The following IPCEF1 variants were observed in gnomAD, a reference collection of about 807,000 sequenced individuals.
IPCEF1 encodes interactor protein for cytohesin exchange factors 1.
IPCEF1 carries 31 observed loss-of-function variants against 50.9 expected under a neutral mutation model. That is an observed-to-expected ratio of 0.61 (90% CI 0.46 to 0.82). IPCEF1 has a LOEUF of 0.82. IPCEF1 is among the 40% of genes least tolerant of loss of function. The pLI, the probability that IPCEF1 is intolerant of heterozygous loss-of-function variation, is 0.00. For missense variants in IPCEF1, 458 were observed against 514.0 expected, an observed-to-expected ratio of 0.89 and a Z score of 1.05; for synonymous variants, 181 against 192.0, an observed-to-expected ratio of 0.94 and a Z score of 0.47.
At chr6:154,276,056 T>C (rs1270314992) in intron 2 of IPCEF1, among the ~76,000 whole-genome samples, 5 of 151,958 alleles carry the variant, frequency 3.3e-5, no homozygotes, top group South Asian at 2.1e-4. Context: ...TGGTGGCAGG[T>C]GCCTGTAATC....
intron 4 of IPCEF1, chr6:154,247,179 G>A (rs1781123841): frequency 4.2e-6 from 2 of 477,444 alleles, no homozygotes; most frequent in Admixed American, 7.2e-5. Flanking sequence ...ATGTTGAAGG[G>A]TTAATGCCCA....
rs1349009955 is a variant in IPCEF1, at chr6:154,251,891, G to GAAATGT, written c.37-4404_37-4403insACATTT. ...GGAAGACAATGTAGAAAGTGGGGAA[G>GAAATGT]AGCAAAGTTCCAGGGAAAATCGTGG... On this transcript the variant is annotated intron_variant, in intron 3 of 11. Coordinates refer to ENST00000367220, the MANE Select transcript of IPCEF1 (RefSeq NM_001130700.2). 3.7e-3 allele frequency among the ~76,000 whole-genome samples: 568 copies of GAAATGT among 152,248 alleles called. 2 individuals are homozygous for GAAATGT. The highest frequency in any genetic ancestry group is 0.013 in the African/African-American group (546 of 41,552).
intron 1 of IPCEF1, among the ~76,000 whole-genome samples, chr6:154,314,886 T>A (rs955822207): frequency 6.4e-5 from 7 of 109,330 alleles, no homozygotes; most frequent in African/African-American, 2.4e-4. Context: ...TGTGATTACT[T>A]TTTTTTTTTT....
intron 10 of IPCEF1, among the ~76,000 whole-genome samples, chr6:154,189,923 G>A (rs1196159116): frequency 6.7e-6 from 1 of 150,282 alleles, no homozygotes; most frequent in Non-Finnish European, 1.5e-5. Context: ...CAGCCTGGGC[G>A]ACAGAGTAAG....
At chr6:154,183,246 T>C (rs1369867309) in intron 10 of IPCEF1, among the ~76,000 whole-genome samples, 1 of 152,222 alleles carries the variant, frequency 6.6e-6, no homozygotes, top group Non-Finnish European at 1.5e-5. Context: ...CCCAAAGTGC[T>C]GGGATTACAG....
At chr6:154,321,454 A>G in intron 1 of IPCEF1, among the ~76,000 whole-genome samples, 1 of 151,962 alleles carries the variant, frequency 6.6e-6, no homozygotes, top group South Asian at 2.1e-4. Context: ...TTCCTTCTCA[A>G]CCTTTGAAGA....
intron 5 of IPCEF1, among the ~76,000 whole-genome samples, chr6:154,235,546 A>AT (rs978917222): frequency 2.0e-5 from 3 of 150,570 alleles, no homozygotes; most frequent in Non-Finnish European, 2.9e-5. Flanking sequence ...AAAAAAAAAA[A>AT]AAAAAGTAAT....
At chr6:154,227,293 T>C (rs1291236524) in intron 5 of IPCEF1, among the ~76,000 whole-genome samples, 5 of 152,124 alleles carry the variant, frequency 3.3e-5, no homozygotes, top group Admixed American at 3.3e-4. Context: ...CAGCACCCAA[T>C]TTATGGCATG....
chr6:154,186,017 A>T (rs2128574393), intron 10 of IPCEF1, among the ~76,000 whole-genome samples: 1 of 152,270 alleles, frequency 6.6e-6, no homozygotes, highest in Non-Finnish European at 1.5e-5. Flanking sequence ...GCCTATCAAT[A>T]TTGGGGCACC....
intron 10 of IPCEF1, among the ~76,000 whole-genome samples, chr6:154,195,342 T>C (rs1481245565): frequency 2.0e-5 from 3 of 151,870 alleles, no homozygotes; most frequent in East Asian, 1.9e-4. Context: ...AGAGATGGGG[T>C]TTCACCATGT....
intron 6 of IPCEF1, among the ~76,000 whole-genome samples, chr6:154,221,754 G>A (rs1177535657): frequency 6.6e-6 from 1 of 152,012 alleles, no homozygotes; most frequent in African/African-American, 2.4e-5. Flanking sequence ...GGCACCTCTA[G>A]TCCCAGCTAC....
intron 5 of IPCEF1, among the ~76,000 whole-genome samples, chr6:154,241,210 T>C (rs1307020395): frequency 8.3e-6 from 1 of 120,002 alleles, no homozygotes; most frequent in African/African-American, 3.4e-5. Context: ...CACTTCAGCC[T>C]AGCAACAAAG....
chr6:154,351,527 C>A (rs192038906), intron 1 of IPCEF1, among the ~76,000 whole-genome samples: 1 of 152,126 alleles, frequency 6.6e-6, no homozygotes, highest in Non-Finnish European at 1.5e-5. Context: ...TTCACTTGGG[C>A]GATTTTAAAG....
chr6:154,230,101 G>T (rs1779606243), intron 5 of IPCEF1, among the ~76,000 whole-genome samples: 1 of 152,120 alleles, frequency 6.6e-6, no homozygotes, highest in South Asian at 2.1e-4. Context: ...GATCTTATTG[G>T]TACAATACCA....
At chr6:154,321,423 G>T (rs1783371319) in intron 1 of IPCEF1, among the ~76,000 whole-genome samples, 1 of 151,600 alleles carries the variant, frequency 6.6e-6, no homozygotes, top group African/African-American at 2.4e-5. Flanking sequence ...AGGAAAGAGG[G>T]TGATACGTAT....
At chr6:154,266,201 A>G (rs1365295035) in intron 2 of IPCEF1, among the ~76,000 whole-genome samples, 1 of 152,086 alleles carries the variant, frequency 6.6e-6, no homozygotes, top group Non-Finnish European at 1.5e-5. Flanking sequence ...AGCCTGAACA[A>G]CATAGTGAGA....
At position 154,158,065 on chromosome 6, in the gene IPCEF1, A is replaced by C. The variant is rs1413749438; in HGVS notation, c.*1763T>G. ...AACTTGCTTCTTGTTTTTTGTTTTT[A>C]TTTCTTAATGCTAAGGTTGTTTTTT... On this transcript the variant is annotated 3_prime_UTR_variant, in exon 12 of 12. Transcript: ENST00000367220. 1.3e-5 allele frequency: 2 copies of C among 152,102 alleles called. No individual in the cohort carries two copies. The highest frequency in any genetic ancestry group is 2.9e-5 in the Non-Finnish European group (2 of 68,032). 9.4% of individuals were successfully genotyped at this position (152,102 alleles called of 1,614,324 possible).
At chr6:154,278,722 A>T (rs903388162) in intron 2 of IPCEF1, among the ~76,000 whole-genome samples, 14 of 151,332 alleles carry the variant, frequency 9.3e-5, no homozygotes, top group Admixed American at 4.6e-4. Context: ...CAATGGTAAA[A>T]ATATATATAT....
chr6:154,186,722 A>G (rs113297441), intron 10 of IPCEF1, among the ~76,000 whole-genome samples: 1 of 151,474 alleles, frequency 6.6e-6, no homozygotes, highest in African/African-American at 2.4e-5. Flanking sequence ...ACGCCTGGCT[A>G]ATTTTTTGTA....
Sources: allele counts gnomAD v4.1 joint callset (sites outside exome capture counted in the v4.1 genomes callset), GRCh38; gene constraint gnomAD v4.1.1; transcripts MANE v1.5; gene names NCBI Gene and HGNC (gene_info 2026-07-23, HGNC 2026-07-21).